The following GALNT2 variants were observed in gnomAD, a reference collection of about 807,000 sequenced individuals.
GALNT2 encodes the protein polypeptide N-acetylgalactosaminyltransferase 2, also known as UDP-GalNAc:polypeptide N-acetylgalactosaminyltransferase 2.
GALNT2 carries 31 observed loss-of-function variants against 81.4 expected under a neutral mutation model. The ratio of observed to expected loss-of-function variants is 0.38; its 90% CI spans 0.29 to 0.51. The LOEUF (loss-of-function observed/expected upper bound fraction) is 0.51, where lower values mean the gene tolerates loss of function less well. Among genes scored for constraint, GALNT2 ranks in the 20% least tolerant of loss-of-function variants. The pLI, the probability that GALNT2 is intolerant of heterozygous loss-of-function variation, is 0.87. For missense variants in GALNT2, 629 were observed against 765.7 expected, an observed-to-expected ratio of 0.82 and a Z score of 2.11; for synonymous variants, 303 against 287.4, an observed-to-expected ratio of 1.05 and a Z score of -0.55.
At chr1:230,179,106 T>G (rs1271450896) in intron 2 of GALNT2, among the ~76,000 whole-genome samples, 1 of 150,630 alleles carries the variant, frequency 6.6e-6, no homozygotes, top group African/African-American at 2.4e-5. Flanking sequence ...TTAATATATA[T>G]TTAAGGTTCC....
At chr1:230,223,548 A>C (rs1664618047) in intron 3 of GALNT2, among the ~76,000 whole-genome samples, 1 of 148,112 alleles carries the variant, frequency 6.8e-6, no homozygotes, top group African/African-American at 2.5e-5. Flanking sequence ...GGCTTACTGC[A>C]GCCTCCGCCT....
intron 1 of GALNT2, among the ~76,000 whole-genome samples, chr1:230,106,701 C>A (rs1483384364): frequency 6.6e-6 from 1 of 152,202 alleles, no homozygotes; most frequent in Non-Finnish European, 1.5e-5. Context: ...AGCAGCTACA[C>A]TTGCTAAGCT....
intron 2 of GALNT2, among the ~76,000 whole-genome samples, chr1:230,187,838 G>T (rs191139048): frequency 6.6e-6 from 1 of 152,154 alleles, no homozygotes. Context: ...CTGCTGTCAA[G>T]CTGTCCCTCT....
At chr1:230,209,424 T>C (rs1052205734) in intron 3 of GALNT2, among the ~76,000 whole-genome samples, 2 of 152,066 alleles carry the variant, frequency 1.3e-5, no homozygotes, top group African/African-American at 4.8e-5. Context: ...AGAGATTTTT[T>C]TCCCTACCAT....
chr1:230,068,198 G>A (rs1659262159), intron 1 of GALNT2, among the ~76,000 whole-genome samples: 1 of 152,252 alleles, frequency 6.6e-6, no homozygotes, highest in Non-Finnish European at 1.5e-5. Flanking sequence ...CAGGGGCCGA[G>A]TGATCTGGCT....
chr1:230,224,432 C>T (rs763868753), intron 3 of GALNT2, among the ~76,000 whole-genome samples: 49 of 152,306 alleles, frequency 3.2e-4, no homozygotes, highest in Non-Finnish European at 6.3e-4. Context: ...AGAGTTCAGA[C>T]GGCTTCATCC....
intron 2 of GALNT2, among the ~76,000 whole-genome samples, chr1:230,183,746 G>A (rs1484617890): frequency 6.6e-6 from 1 of 152,200 alleles, no homozygotes; most frequent in Non-Finnish European, 1.5e-5. Context: ...GGGAGGCCGA[G>A]GCAGGCAGAT....
At chr1:230,228,702 A>G (rs574287294) in intron 3 of GALNT2, among the ~76,000 whole-genome samples, 21 of 152,148 alleles carry the variant, frequency 1.4e-4, no homozygotes, top group African/African-American at 4.8e-4. Context: ...ACTCTGCAGT[A>G]ACGCTTCATG....
chr1:230,065,425 ATG>A (rs756363475), upstream of GALNT2, among the ~76,000 whole-genome samples: 41 of 151,206 alleles, frequency 2.7e-4, no homozygotes, highest in Middle Eastern at 6.8e-3. Flanking sequence ...TATCCTAGAT[ATG>A]TGTGTGTGTG....
At chr1:230,154,687 C>A (rs1175528885) in intron 1 of GALNT2, among the ~76,000 whole-genome samples, 1 of 152,128 alleles carries the variant, frequency 6.6e-6, no homozygotes, top group Non-Finnish European at 1.5e-5. Flanking sequence ...AGAGAATAGA[C>A]AACAGGCACC....
At chr1:230,161,936 G>A (rs948030414) in intron 1 of GALNT2, among the ~76,000 whole-genome samples, 3 of 151,838 alleles carry the variant, frequency 2.0e-5, no homozygotes, top group African/African-American at 4.8e-5. Flanking sequence ...TTTCTTTTGT[G>A]TTTCTATTTA....
intron 14 of GALNT2, among the ~76,000 whole-genome samples, chr1:230,266,447 G>A (rs546958186): frequency 6.6e-6 from 1 of 152,306 alleles, no homozygotes; most frequent in Admixed American, 6.5e-5. Context: ...AAAAAGGCAG[G>A]TTAACTCCGT....
At chr1:230,249,677 G>A (rs1323349456) in intron 9 of GALNT2, among the ~76,000 whole-genome samples, 1 of 29,896 alleles carries the variant, frequency 3.3e-5, no homozygotes, top group African/African-American at 3.3e-4. Context: ...TGCTCATGAA[G>A]CCCATGCTTT....
intron 14 of GALNT2, among the ~76,000 whole-genome samples, chr1:230,267,000 A>C (rs1260667830): frequency 6.8e-6 from 1 of 147,220 alleles, no homozygotes; most frequent in African/African-American, 2.6e-5. Flanking sequence ...ACACACACAC[A>C]CACACACACA....
At chr1:230,157,646 C>A (rs534586374) in intron 1 of GALNT2, among the ~76,000 whole-genome samples, 39 of 152,308 alleles carry the variant, frequency 2.6e-4, no homozygotes, top group Admixed American at 7.2e-4. Flanking sequence ...TGGCGGGATA[C>A]CTCCTGCAGT....
At chr1:230,242,673 C>T (rs772783535) in intron 6 of GALNT2, among the ~76,000 whole-genome samples, 2 of 152,144 alleles carry the variant, frequency 1.3e-5, no homozygotes, top group Non-Finnish European at 2.9e-5. Flanking sequence ...CAGGCGCACG[C>T]ACAGGCCACC....
intron 15 of GALNT2, 114 bp downstream of exon 15, chr1:230,274,678 AT>A: frequency 7.7e-7 from 1 of 1,296,218 alleles, no homozygotes; most frequent in South Asian, 1.7e-5. Flanking sequence ...GCGTGTACTT[AT>A]GTGTTCTTTT....
chr1:230,240,970 C>T (rs559675549), intron 6 of GALNT2, among the ~76,000 whole-genome samples: 29 of 152,300 alleles, frequency 1.9e-4, no homozygotes, highest in Non-Finnish European at 3.5e-4. Flanking sequence ...GTCATTCTGC[C>T]ATCTCCATTT....
At chr1:230,236,811 C>A in intron 6 of GALNT2, 86 bp downstream of exon 6, 1 of 1,323,294 alleles carries the variant, frequency 7.6e-7, no homozygotes, top group South Asian at 1.4e-5. Context: ...GCTCAAAGAG[C>A]AATTAATTGT....
Sources: allele counts gnomAD v4.1 joint callset (sites outside exome capture counted in the v4.1 genomes callset), GRCh38; gene constraint gnomAD v4.1.1; transcripts MANE v1.5; gene names NCBI Gene and HGNC (gene_info 2026-07-23, HGNC 2026-07-21).